SLC30A9: variants seen among roughly 807,000 people sequenced by gnomAD.
SLC30A9 encodes solute carrier family 30 member 9, also known as proton-coupled zinc antiporter SLC30A9, mitochondrial.
In SLC30A9, 58 loss-of-function variants were observed where a neutral mutation model predicts 87.5. That is an observed-to-expected ratio of 0.66 (90% CI 0.54 to 0.82). The LOEUF (loss-of-function observed/expected upper bound fraction) is 0.82, where lower values mean the gene tolerates loss of function less well. Among genes scored for constraint, SLC30A9 ranks in the 40% least tolerant of loss-of-function variants. The probability of loss-of-function intolerance (pLI) is 0.00; values close to 1 mark genes in which losing one functional copy is unlikely to be tolerated. For synonymous variants in SLC30A9, 234 were observed against 233.0 expected, an observed-to-expected ratio of 1.00 and a Z score of -0.04; for missense variants, 557 against 679.1, an observed-to-expected ratio of 0.82 and a Z score of 2.00.
intron 17 of SLC30A9, among the ~76,000 whole-genome samples, chr4:42,084,357 CT>C (rs1263500171): frequency 6.6e-6 from 1 of 151,202 alleles, no homozygotes; most frequent in East Asian, 2.0e-4. Flanking sequence ...AGATTTAGTT[CT>C]TTTATACACT....
intron 2 of SLC30A9, among the ~76,000 whole-genome samples, chr4:42,012,219 CAA>C (rs1361449162): frequency 1.3e-5 from 2 of 152,070 alleles, no homozygotes; most frequent in African/African-American, 2.4e-5. Context: ...TAAAAGCTGA[CAA>C]AGAGAAAAAT....
intron 14 of SLC30A9, 97 bp from the exon 15 acceptor site, chr4:42,070,429 T>G (rs1718264244): frequency 3.5e-6 from 3 of 865,742 alleles, no homozygotes; most frequent in Non-Finnish European, 5.3e-6. Context: ...AAATTTCAAG[T>G]GCCTTGATTT....
At chr4:41,999,315 C>T (rs558955404) in intron 1 of SLC30A9, among the ~76,000 whole-genome samples, 26 of 152,248 alleles carry the variant, frequency 1.7e-4, no homozygotes, top group Admixed American at 1.7e-3. Flanking sequence ...TGGATATTTT[C>T]TCTTTGTAGA....
intron 6 of SLC30A9, among the ~76,000 whole-genome samples, chr4:42,030,980 T>C (rs1320131780): frequency 6.6e-6 from 1 of 152,196 alleles, no homozygotes; most frequent in African/African-American, 2.4e-5. Flanking sequence ...TCTTTATGAG[T>C]GTTTTAACCA....
intron 14 of SLC30A9, among the ~76,000 whole-genome samples, chr4:42,069,766 T>C (rs1440065845): frequency 1.3e-5 from 2 of 152,204 alleles, no homozygotes; most frequent in Non-Finnish European, 2.9e-5. Flanking sequence ...GCCTTTCTCA[T>C]TGGTTCTGGG....
chr4:42,046,184 A>T (rs1237530488), intron 8 of SLC30A9, among the ~76,000 whole-genome samples: 3 of 152,224 alleles, frequency 2.0e-5, no homozygotes, highest in East Asian at 3.8e-4. Flanking sequence ...CAAGACAAGG[A>T]TGCTGTCTCT....
chr4:42,077,173 A>G (rs937748091), intron 16 of SLC30A9, among the ~76,000 whole-genome samples: 1 of 152,106 alleles, frequency 6.6e-6, no homozygotes, highest in Non-Finnish European at 1.5e-5. Context: ...TTGTATATCA[A>G]GGTTCTTGCT....
chr4:42,011,208 A>C (rs530001125), intron 2 of SLC30A9, among the ~76,000 whole-genome samples: 1 of 152,356 alleles, frequency 6.6e-6, no homozygotes, highest in Admixed American at 6.5e-5. Context: ...ACCTCTTCAC[A>C]GGGTGGCAGG....
chr4:42,029,168 C>T, intron 6 of SLC30A9: 1 of 363,962 alleles, frequency 2.7e-6, no homozygotes, highest in Non-Finnish European at 5.5e-6. Context: ...CCCGAAGCCA[C>T]CCACCCTTCC....
At position 42,032,273 on chromosome 4, in the gene SLC30A9, A is replaced by G. The variant is rs529774574; in HGVS notation, c.611-3002A>G. 3.6e-4 allele frequency among the ~76,000 whole-genome samples: 55 copies of G among 151,800 alleles called. 1 individual carries two copies. The highest frequency in any genetic ancestry group is 1.0e-3 in the African/African-American group (42 of 41,330). On this transcript the variant is annotated intron_variant, in intron 6 of 17. Transcript: ENST00000264451. ...AATTTGACATGAGATTTGGATGGGG[A>G]CACAGGTCCAAACCATGTCACCAGC...
At chr4:42,039,166 T>C (rs374653387) in intron 8 of SLC30A9, 113 bp downstream of exon 8, 47 of 786,894 alleles carry the variant, frequency 6.0e-5, no homozygotes, top group African/African-American at 4.7e-4. Flanking sequence ...GAGGTTTATT[T>C]TGTTTTAGGA....
chr4:42,066,749 T>G, intron 13 of SLC30A9, 128 bp downstream of exon 13: 1 of 585,148 alleles, frequency 1.7e-6, no homozygotes. Context: ...TGTGTGGCTC[T>G]TACATATCCT....
rs1714986012 is a variant in SLC30A9 at position 42,001,601 on chromosome 4, TA to T, written c.110-14del. ...ACTTGGTTTGAAATTAAAGTATATA[TA>T]TTTTTTCTTTTAGAGTGGCAGAATT... On this transcript the variant is annotated splice_polypyrimidine_tract_variant and intron_variant, in intron 1 of 17. Transcript: ENST00000264451. 6.5e-7 allele frequency: 1 copy of T among 1,530,844 alleles called. No individual in the cohort carries two copies. The highest frequency in any genetic ancestry group is 8.9e-7 in the Non-Finnish European group (1 of 1,117,340). The allele number at this position is 1,530,844 out of a possible 1,614,324, so 94.8% of individuals were successfully genotyped here.
intron 16 of SLC30A9, among the ~76,000 whole-genome samples, chr4:42,076,463 A>G (rs1718554127): frequency 6.6e-6 from 1 of 152,088 alleles, no homozygotes; most frequent in Admixed American, 6.6e-5. Flanking sequence ...AATATGTAAC[A>G]TTTTGAATGT....
intron 17 of SLC30A9, among the ~76,000 whole-genome samples, chr4:42,079,631 G>A (rs1254334333): frequency 5.2e-5 from 7 of 135,774 alleles, no homozygotes; most frequent in East Asian, 2.3e-4. Flanking sequence ...TAACTGAGAC[G>A]GAGTCTCGCA....
intron 17 of SLC30A9, among the ~76,000 whole-genome samples, chr4:42,081,757 A>C (rs1286581491): frequency 6.6e-6 from 1 of 151,638 alleles, no homozygotes; most frequent in Non-Finnish European, 1.5e-5. Context: ...TGTCACCTAC[A>C]TTTACTCTTA....
intron 9 of SLC30A9, among the ~76,000 whole-genome samples, chr4:42,053,127 G>A (rs11935961): frequency 0.65 from 99,301 of 152,068 alleles, 36,913 homozygotes; most frequent in East Asian, 0.96. Context: ...TGCTAACACC[G>A]TTAATGATCA....
At chr4:42,059,996 T>C (rs1560555065) in intron 9 of SLC30A9, among the ~76,000 whole-genome samples, 195 bp from the exon 10 acceptor site, 1 of 152,180 alleles carries the variant, frequency 6.6e-6, no homozygotes, top group Non-Finnish European at 1.5e-5. Context: ...TTATAAACAA[T>C]GGTGTTTTGA....
chr4:42,049,880 T>G (rs562560889), intron 9 of SLC30A9, among the ~76,000 whole-genome samples: 1 of 152,292 alleles, frequency 6.6e-6, no homozygotes, highest in East Asian at 1.9e-4. Context: ...GAGAAAAATT[T>G]TTGTATTAAT....
Sources: gnomAD v4.1 joint callset for allele counts (sites outside exome capture counted in the v4.1 genomes callset) on GRCh38, gnomAD v4.1.1 for gene constraint, MANE v1.5 for transcripts, NCBI Gene and HGNC (gene_info 2026-07-23, HGNC 2026-07-21) for gene names.